R3HDM4: variants seen among roughly 807,000 people sequenced by gnomAD.
The protein encoded by R3HDM4 is R3H domain-containing protein 4.
R3HDM4 carries 30 observed loss-of-function variants against 31.3 expected under a neutral mutation model. The observed-to-expected ratio is 0.96, with a 90% CI of 0.72 to 1.30. The LOEUF (loss-of-function observed/expected upper bound fraction) is 1.30. Ranked by LOEUF, R3HDM4 falls within the 50% of genes most tolerant of loss-of-function variation. The probability of loss-of-function intolerance (pLI) is 0.00; values close to 1 mark genes in which losing one functional copy is unlikely to be tolerated. For synonymous variants in R3HDM4, 196 were observed against 156.6 expected (o/e 1.25, Z -1.88); for missense variants, 444 against 366.1 (o/e 1.21, Z -1.74).
chr19:904,929 G>A (rs1262553510), intron 1 of R3HDM4, among the ~76,000 whole-genome samples: 2 of 152,166 alleles, frequency 1.3e-5, no homozygotes, highest in South Asian at 2.1e-4. Context: ...CTGATTGGCC[G>A]GGCGTGGTGG....
Position 899,590 on chromosome 19 carries a change from C to T in R3HDM4, c.647+11G>A. 2 of 1,610,802 alleles carry T rather than the reference C, an allele frequency of 1.2e-6. No individual in the cohort carries two copies. The highest frequency in any genetic ancestry group is 2.2e-5 in the South Asian group (2 of 90,878). ...CTCGGAGGGTCCGCTCGCCTGGCCG[C>T]CCCCCCTTACCTGTTGTCTAGCATT... is the stretch of plus-strand genomic sequence containing the variant. On this transcript the variant is annotated intron_variant, in intron 6 of 7. Coordinates refer to ENST00000361574, the MANE Select transcript of R3HDM4 (RefSeq NM_138774.4). This position sits in a 1 kb window ranked among gnomAD's most constrained non-coding sequence, Gnocchi z 6.8.
intron 1 of R3HDM4, among the ~76,000 whole-genome samples, chr19:911,656 G>C (rs570978648): frequency 1.3e-5 from 2 of 152,274 alleles, no homozygotes; most frequent in East Asian, 1.9e-4. Flanking sequence ...GTCCGCACAC[G>C]GAGGAGGCAG....
intron 3 of R3HDM4, 92 bp from the exon 4 acceptor site, chr19:901,044 C>T: frequency 2.8e-6 from 4 of 1,432,486 alleles, no homozygotes; most frequent in South Asian, 1.4e-5. Context: ...CCGCCAAGCA[C>T]GTGGACGCGC....
Position 899,449 on chromosome 19 carries a change from T to A in R3HDM4, c.694A>T (p.Ile232Phe), listed in dbSNP as rs1227119414. The stretch of plus-strand genomic sequence containing the variant: ...GGCCACCGGCACTTACTGGCCGAGA[T>A]GAGGTCCATGTACTGGCAGACAGCG... Reference protein sequence around the residue: ...LHAVCQYMDLISASADLEGKR... With the variant: ...LHAVCQYMDLFSASADLEGKR... Residue 232 changes from isoleucine to phenylalanine, a missense_variant, in exon 7 of 8, where the codon ATC becomes TTC. Physicochemically the swap from Ile to Phe is conservative, Grantham distance 21. Transcript: ENST00000361574. The surrounding 1 kb of genome is among the most constrained non-coding windows in gnomAD (Gnocchi z 6.8). The A allele has an allele frequency of 6.2e-7, 1 of 1,613,468 alleles. No homozygotes were observed. Among genetic ancestry groups the A allele is most frequent in the Admixed American group, 1.7e-5 (1 of 60,004 alleles).
At chr19:898,914 T>C (rs986026258) in intron 7 of R3HDM4, among the ~76,000 whole-genome samples, 3 of 151,932 alleles carry the variant, frequency 2.0e-5, no homozygotes, top group Non-Finnish European at 4.4e-5. Context: ...CAGAGACAGG[T>C]GTGAGAGGCT....
At chr19:912,908 G>A (rs899969044) in intron 1 of R3HDM4, among the ~76,000 whole-genome samples, 179 bp downstream of exon 1, 266 of 151,756 alleles carry the variant, frequency 1.8e-3, no homozygotes, top group Non-Finnish European at 3.3e-3. Context: ...GGTCCACAGC[G>A]GGCGAGAAGG....
intron 3 of R3HDM4, 193 bp downstream of exon 3, chr19:901,229 A>G: frequency 1.5e-6 from 1 of 683,382 alleles, no homozygotes; most frequent in Non-Finnish European, 2.4e-6. Context: ...TGAATCCAGG[A>G]GCTCGAAGGT....
intron 1 of R3HDM4, among the ~76,000 whole-genome samples, chr19:909,102 G>A (rs1201790261): frequency 1.3e-5 from 2 of 152,222 alleles, no homozygotes; most frequent in Non-Finnish European, 2.9e-5. Context: ...CTGAAGGCTC[G>A]AGGATGTGTG....
At chr19:901,802 G>A (rs763643662) in intron 2 of R3HDM4, 174 bp downstream of exon 2, 11 of 851,962 alleles carry the variant, frequency 1.3e-5, no homozygotes, top group Non-Finnish European at 1.8e-5. Flanking sequence ...AGAGTCCAGG[G>A]GGCGCCTGTG....
At chr19:898,856 G>C (rs188191116) in intron 7 of R3HDM4, among the ~76,000 whole-genome samples, 1 of 152,274 alleles carries the variant, frequency 6.6e-6, no homozygotes, top group Admixed American at 6.5e-5. Flanking sequence ...GGGAGGCATC[G>C]TCCGGTTGCC....
rs537357318 is a variant in R3HDM4, at chr19:900,098, C to T, written c.524G>A (p.Arg175His). Residue 175 changes from arginine to histidine, a missense_variant, in exon 5 of 8, where the codon CGT becomes CAT. Physicochemically the swap from Arg to His is conservative, Grantham distance 29. Transcript: ENST00000361574. ...GCTGCGCTTGAGGACGGCTCGCAGA[C>T]GCCGGCTGATGCGCTGGAAGCACTC... Reference protein sequence around the residue: ...PRECFQRISRRLRAVLKRSRI... With the variant: ...PRECFQRISRHLRAVLKRSRI... The T allele has an allele frequency of 3.2e-5, 51 of 1,607,860 alleles. No individual in the cohort carries two copies. Among genetic ancestry groups the T allele is most frequent in the Admixed American group, 8.5e-5 (5 of 58,868 alleles).
intron 1 of R3HDM4, among the ~76,000 whole-genome samples, chr19:906,693 CGTAA>C (rs1233170744): frequency 2.0e-5 from 3 of 152,134 alleles, no homozygotes; most frequent in Non-Finnish European, 2.9e-5. Flanking sequence ...TGCTTTTGAT[CGTAA>C]GTGTCGCTGG....
At chr19:906,237 T>TTTTTACA (rs1568342566) in intron 1 of R3HDM4, among the ~76,000 whole-genome samples, 8 of 145,574 alleles carry the variant, frequency 5.5e-5, no homozygotes, top group African/African-American at 2.1e-4. Flanking sequence ...TTTTTTTTTT[T>TTTTTACA]GAGACAGAGT....
rs1023172047 is a variant in R3HDM4, at chr19:901,162, G to A, written c.352-210C>T. On this transcript the variant is annotated intron_variant, in intron 3 of 7. Coordinates refer to ENST00000361574, the MANE Select transcript of R3HDM4 (RefSeq NM_138774.4). ...GGGCCCAGCTGTCTCGGGGTGGGGG[G>A]GATTGAGGTGAAACACTCCTGCAAT... The A allele has an allele frequency of 3.6e-5, 25 of 686,202 alleles. 1 individual carries two copies. Among genetic ancestry groups the A allele is most frequent in the Middle Eastern group, 4.1e-4 (1 of 2,438 alleles). The allele number at this position is 686,202 out of a possible 1,614,324, so 42.5% of individuals were successfully genotyped here. A position where few individuals can be genotyped will look rare whatever the true frequency, so the allele number is the denominator to read the frequency against.
intron 2 of R3HDM4, 110 bp from the exon 3 acceptor site, chr19:901,656 C>G (rs2036839087): frequency 7.3e-7 from 1 of 1,368,304 alleles, no homozygotes. Flanking sequence ...AACCTCCGCA[C>G]CTCCATGCTC....
chr19:898,229 A>AAATATAT (rs796542745), intron 7 of R3HDM4, among the ~76,000 whole-genome samples: 1 of 140,650 alleles, frequency 7.1e-6, no homozygotes, highest in East Asian at 2.0e-4. Context: ...TAAAAAAAAA[A>AAATATAT]ATATATATAT....
Position 899,754 on chromosome 19 carries a change from G to GC in R3HDM4, c.562-69dup. Reference sequence around the variant, plus strand: ...GGGTGGGGGGCCAGGGAGGTCCAGGGCCCCCAGGAGCCCACAGCGCTGGGC... The same window carrying GC: ...GGGTGGGGGGCCAGGGAGGTCCAGGGCCCCCCAGGAGCCCACAGCGCTGGGC... On this transcript the variant is annotated intron_variant, in intron 5 of 7. Transcript: ENST00000361574. The surrounding 1 kb of genome is among the most constrained non-coding windows in gnomAD (Gnocchi z 6.8). The GC allele has an allele frequency of 7.9e-7, 1 of 1,258,474 alleles. No individual in the cohort carries two copies. The highest frequency in any genetic ancestry group is 1.1e-6 in the Non-Finnish European group (1 of 921,646). 78.0% of individuals were successfully genotyped at this position (1,258,474 alleles called of 1,614,324 possible).
chr19:898,231 T>A (rs199618934), intron 7 of R3HDM4, among the ~76,000 whole-genome samples: 24,620 of 115,934 alleles, frequency 0.21, 2,262 homozygotes, highest in Middle Eastern at 0.26. Flanking sequence ...AAAAAAAAAA[T>A]ATATATATAT....
At chr19:911,576 C>T (rs1036838078) in intron 1 of R3HDM4, among the ~76,000 whole-genome samples, 1 of 152,264 alleles carries the variant, frequency 6.6e-6, no homozygotes, top group Non-Finnish European at 1.5e-5. Context: ...AGAGGCCACA[C>T]TTACTATCCC....
Sources: allele counts gnomAD v4.1 joint callset (sites outside exome capture counted in the v4.1 genomes callset), GRCh38; gene constraint gnomAD v4.1.1; non-coding constraint Gnocchi (gnomAD v3.1); transcripts MANE v1.5; gene names NCBI Gene and HGNC (gene_info 2026-07-23, HGNC 2026-07-21).